ZNG1F: variants seen among roughly 807,000 people sequenced by gnomAD.
The protein encoded by ZNG1F is zinc-regulated GTPase metalloprotein activator 1F.
chr9:41,158,718 A>T, the ZNG1F span: 2 of 74,640 alleles, frequency 2.7e-5, no homozygotes, highest in East Asian at 6.5e-4. Flanking sequence ...GAAAGTTTCT[A>T]TAGCTTTCCC....
the ZNG1F span, among the ~76,000 whole-genome samples, chr9:41,147,379 GA>G: frequency 1.9e-5 from 1 of 51,958 alleles, no homozygotes; most frequent in Non-Finnish European, 3.6e-5. Flanking sequence ...AAATAAATAT[GA>G]AAAAAAGAAA....
chr9:41,166,420 A>G, the ZNG1F span, among the ~76,000 whole-genome samples: 1 of 54,032 alleles, frequency 1.9e-5, no homozygotes, highest in South Asian at 8.1e-4. Context: ...TGTCTCAAAA[A>G]ATAATAATAA....
the ZNG1F span, among the ~76,000 whole-genome samples, chr9:41,192,782 T>C: frequency 8.4e-6 from 1 of 118,962 alleles, no homozygotes. Context: ...TTTTTTTTTT[T>C]TTTAACTTAT....
chr9:41,138,801 A>G, the ZNG1F span, among the ~76,000 whole-genome samples: 1 of 109,762 alleles, frequency 9.1e-6, no homozygotes, highest in African/African-American at 4.0e-5. Context: ...TTCTATAAGT[A>G]TGTCCATTAT....
chr9:41,169,780 T>C, the ZNG1F span, among the ~76,000 whole-genome samples: 1 of 148,566 alleles, frequency 6.7e-6, no homozygotes, highest in Non-Finnish European at 1.5e-5. Context: ...TGGATAATGT[T>C]TGATAATGTA....
the ZNG1F span, among the ~76,000 whole-genome samples, chr9:41,159,110 G>C: frequency 1.3e-5 from 2 of 150,416 alleles, no homozygotes; most frequent in Non-Finnish European, 3.0e-5. Context: ...AAAACGAAGA[G>C]GGTTTTGGCT....
At chr9:41,201,519 A>T in the ZNG1F span, among the ~76,000 whole-genome samples, 2 of 146,754 alleles carry the variant, frequency 1.4e-5, no homozygotes, top group Non-Finnish European at 1.5e-5. Context: ...TTAAATATGT[A>T]TGAAAATACT....
chr9:41,195,676 A>G, the ZNG1F span, among the ~76,000 whole-genome samples: 2 of 114,294 alleles, frequency 1.7e-5, no homozygotes, highest in Non-Finnish European at 3.7e-5. Flanking sequence ...TCTAAAAGAA[A>G]CTATATTTTA....
the ZNG1F span, among the ~76,000 whole-genome samples, chr9:41,195,374 C>T: frequency 1.8e-5 from 1 of 55,050 alleles, no homozygotes; most frequent in East Asian, 4.8e-4. Context: ...ATATAGTCGT[C>T]TTTTAAGATA....
chr9:41,201,410 A>G, the ZNG1F span, among the ~76,000 whole-genome samples: 4 of 147,134 alleles, frequency 2.7e-5, no homozygotes, highest in African/African-American at 9.9e-5. Context: ...TTACCTTAAA[A>G]AAAAACTTTG....
the ZNG1F span, among the ~76,000 whole-genome samples, chr9:41,135,072 TAC>T: frequency 4.8e-5 from 2 of 41,334 alleles, 1 homozygote; most frequent in Non-Finnish European, 1.5e-4. Flanking sequence ...AGCTCCCACT[TAC>T]GAGTGAGAAC....
At chr9:41,151,840 T>A in the ZNG1F span, among the ~76,000 whole-genome samples, 1 of 139,926 alleles carries the variant, frequency 7.1e-6, no homozygotes. Flanking sequence ...CTAAAAGAGC[T>A]CCTGAAGGAA....
At chr9:41,183,027 C>T in the ZNG1F span, among the ~76,000 whole-genome samples, 11 of 48,010 alleles carry the variant, frequency 2.3e-4, 1 homozygote, top group East Asian at 7.2e-4. Flanking sequence ...TAAATGATGC[C>T]GAAGAGATTT....
the ZNG1F span, among the ~76,000 whole-genome samples, chr9:41,160,462 A>G: frequency 7.2e-4 from 54 of 75,440 alleles, 1 homozygote; most frequent in East Asian, 0.017. Flanking sequence ...TCGCTCTGTC[A>G]CCCAGGCTGG....
At chr9:41,134,785 A>G in the ZNG1F span, among the ~76,000 whole-genome samples, 1 of 145,398 alleles carries the variant, frequency 6.9e-6, no homozygotes, top group Non-Finnish European at 1.5e-5. Context: ...GACCAAAACT[A>G]TTTTATAATC....
At chr9:41,134,082 T>C in the ZNG1F span, 1 of 316,788 alleles carries the variant, frequency 3.2e-6, no homozygotes, top group Admixed American at 4.9e-5. Context: ...TACAATGTAC[T>C]CACTATACAG....
At chr9:41,132,286 C>T in the ZNG1F span, 1 of 1,604,754 alleles carries the variant, frequency 6.2e-7, no homozygotes, top group Non-Finnish European at 8.5e-7. Context: ...CTGGAGTCTC[C>T]TCCAGATCAC....
the ZNG1F span, chr9:41,157,997 C>CCT: frequency 1.0e-5 from 1 of 97,908 alleles, no homozygotes; most frequent in Non-Finnish European, 2.1e-5. Context: ...TCCTTTTTCA[C>CCT]CCCCCACCCC....
chr9:41,150,588 A>G, the ZNG1F span, among the ~76,000 whole-genome samples: 3 of 105,044 alleles, frequency 2.9e-5, no homozygotes, highest in South Asian at 3.8e-4. Context: ...ACAGCTTTGA[A>G]GAGAGCAGTG....
Sources: allele counts gnomAD v4.1 joint callset (sites outside exome capture counted in the v4.1 genomes callset), GRCh38; gene constraint gnomAD v4.1.1; transcripts MANE v1.5; gene names NCBI Gene and HGNC (gene_info 2026-07-23, HGNC 2026-07-21).